CHKB: variants seen among roughly 807,000 people sequenced by gnomAD.
CHKB encodes choline kinase beta.
CHKB carries 45 observed loss-of-function variants against 57.3 expected under a neutral mutation model. The ratio of observed to expected loss-of-function variants is 0.79; its 90% CI spans 0.62 to 1.01. CHKB has a LOEUF of 1.01. Ranked by LOEUF, CHKB falls within the 50% of genes least tolerant of loss-of-function variation. The pLI, the probability that CHKB is intolerant of heterozygous loss-of-function variation, is 0.00. For missense variants in CHKB, 517 were observed against 502.8 expected, an observed-to-expected ratio of 1.03 and a Z score of -0.27; for synonymous variants, 224 against 201.8, an observed-to-expected ratio of 1.11 and a Z score of -0.93.
chr22:50,581,267 T>C (rs910142979), intron 4 of CHKB, among the ~76,000 whole-genome samples, 153 bp downstream of exon 4: 21 of 152,144 alleles, frequency 1.4e-4, no homozygotes, highest in African/African-American at 4.6e-4. Context: ...AGGCACTGCA[T>C]GTGGCCTCTG....
chr22:50,581,517 C>G lies in CHKB; in HGVS notation c.484G>C (p.Val162Leu), dbSNP rs1232740092. 6.2e-7 allele frequency: 1 copy of G among 1,613,872 alleles called. No individual in the cohort carries two copies. The highest frequency in any genetic ancestry group is 8.5e-7 in the Non-Finnish European group (1 of 1,180,042). Residue 162 changes from valine to leucine, a missense_variant, in exon 4 of 11, where the codon GTG becomes CTG. By Grantham distance (32) the Val-to-Leu change is conservative (BLOSUM62 1). Coordinates refer to ENST00000406938, the MANE Select transcript of CHKB (RefSeq NM_005198.5). ...PLKTQELREP[V>L]LSAAIATKMA... ...TTCGTGGCAATGGCTGCTGACAACA[C>G]TGGCTCTCGAAGCTCTTGAGTTTTC... is the stretch of plus-strand genomic sequence containing the variant.
In CHKB at chr22:50,579,467, TGG is replaced by T. The variant is rs750412430; in HGVS notation, c.1070_1071del (p.Ser357TyrfsTer71). On this transcript the variant is annotated frameshift_variant, in exon 10 of 11. Coordinates refer to ENST00000406938, the MANE Select transcript of CHKB (RefSeq NM_005198.5). LOFTEE classifies it high-confidence loss of function. ...ATGGTGGACATGGATGCCTGGAGGA[TGG>T]ACCACAGACCCCAGAAGAAATGGGA... ...LASHFFWGLW[S>X]ILQASMSTIE... The T allele has an allele frequency of 6.2e-7, 1 of 1,613,624 alleles. No individual in the cohort carries two copies. The highest frequency in any genetic ancestry group is 8.5e-7 in the Non-Finnish European group (1 of 1,179,992).
chr22:50,579,214 C>T lies in CHKB; in HGVS notation c.1155G>A (p.Lys385=), dbSNP rs1408413251. The T allele has an allele frequency of 6.8e-6, 11 of 1,613,778 alleles. No individual in the cohort carries two copies. Among genetic ancestry groups the T allele is most frequent in the Non-Finnish European group, 9.3e-6 (11 of 1,179,920 alleles). The change falls in exon 11 of 11, where the codon AAG becomes AAA. Residue 385 remains lysine (K), a synonymous_variant. Transcript: ENST00000406938. ...QSRFQFYFQQ[K]GQLTSVHSSS is the part of the protein sequence containing the mutation. ...AGGAGTGGACACTGGTCAGCTGCCC[C>T]TTCTGCTGGAAGTAGAACTGGAACC... is the stretch of plus-strand genomic sequence containing the variant.
chr22:50,582,696 G>A lies in CHKB; in HGVS notation c.86C>T (p.Pro29Leu), dbSNP rs768840882. ...GCGCCGCCGTTTTGGGGTAGTGTCC[G>A]GGCACTTAGACTGCTGCAAGCCGTC... is the stretch of plus-strand genomic sequence containing the variant. ...AKDGLQQSKC[P>L]DTTPKRRRAS... Residue 29 changes from proline (P) to leucine (L), a missense_variant, in exon 1 of 11, where the codon CCG (proline) becomes CTG (leucine). Coordinates refer to ENST00000406938, the MANE Select transcript of CHKB (RefSeq NM_005198.5). The A allele has an allele frequency of 5.6e-6, 9 of 1,610,216 alleles. No homozygotes were observed. The highest frequency in any genetic ancestry group is 5.0e-5 in the Admixed American group (3 of 59,810).
At chr22:50,582,402 C>T (rs13055012) in intron 1 of CHKB, 45 bp from the exon 2 acceptor site, 1 of 1,511,016 alleles carries the variant, frequency 6.6e-7, no homozygotes, top group Non-Finnish European at 8.9e-7. Flanking sequence ...CCGGCCCTAC[C>T]TGCCGCGGCC....
rs775760883 is a variant in CHKB at position 50,579,505 on chromosome 22, T to C, written c.1034A>G (p.Tyr345Cys). The change falls in exon 10 of 11, where the codon TAT becomes TGT. Residue 345 changes from tyrosine to cysteine, a missense_variant and splice_region_variant. By Grantham distance (194) the Tyr-to-Cys change is radical. Coordinates refer to ENST00000406938, the MANE Select transcript of CHKB (RefSeq NM_005198.5). ...EEDLLVEVSR[Y>C]ALASHFFWGL... Reference sequence around the variant, plus strand: ...CCAGAAGAAATGGGATGCCAGAGCATACCTGGGGGGAGGGCAGGAAAAGGA... The same window carrying C: ...CCAGAAGAAATGGGATGCCAGAGCACACCTGGGGGGAGGGCAGGAAAAGGA... The C allele has an allele frequency of 8.1e-6, 13 of 1,613,366 alleles. No homozygotes were observed. The highest frequency in any genetic ancestry group is 6.7e-5 in the East Asian group (3 of 44,884).
In CHKB at chr22:50,582,338, G is replaced by T; in HGVS notation, c.244C>A (p.Leu82Ile). The change falls in exon 2 of 11, where the codon CTC (leucine) becomes ATC (isoleucine). Residue 82 changes from leucine (L) to isoleucine (I), a missense_variant. By Grantham distance (5) the Leu-to-Ile change is conservative. Coordinates refer to ENST00000406938, the MANE Select transcript of CHKB (RefSeq NM_005198.5). ...YPVSGGLSNL[L>I]FRCSLPDHLP... ...TGGTCCGGGAGCGAGCAGCGGAAGA[G>T]CAGGTTGCTGAGGCCTCCGCTGCAG... The T allele has an allele frequency of 6.4e-7, 1 of 1,569,490 alleles. No individual in the cohort carries two copies.
Position 50,581,920 on chromosome 22 carries a change from G to C in CHKB, c.334-58C>G, listed in dbSNP as rs559769048. 4.7e-5 allele frequency: 69 copies of C among 1,453,032 alleles called. 1 individual carries two copies. In the South Asian group the frequency reaches 6.3e-4, roughly 13 times the overall value. The allele number at this position is 1,453,032 out of a possible 1,614,324, so 90.0% of individuals were successfully genotyped here. ...CAAAGTGGCACAGGGACACACATGA[G>C]GGCTCGCCTTCCTCCCACCAGAGCT... is the stretch of plus-strand genomic sequence containing the variant. On this transcript the variant is annotated intron_variant, in intron 2 of 10. Transcript: ENST00000406938.
chr22:50,582,702 T>C lies in CHKB; in HGVS notation c.80A>G (p.Lys27Arg), dbSNP rs149592688. 2.0e-5 allele frequency: 33 copies of C among 1,609,914 alleles called. No homozygotes were observed. Among genetic ancestry groups the C allele is most frequent in the Middle Eastern group, 1.7e-4 (1 of 6,048 alleles). The stretch of plus-strand genomic sequence containing the variant: ...CCGTTTTGGGGTAGTGTCCGGGCAC[T>C]TAGACTGCTGCAAGCCGTCTTTGGC... The part of the protein sequence containing the change: ...CLAKDGLQQS[K>R]CPDTTPKRRR... The change falls in exon 1 of 11, where the codon AAG (lysine) becomes AGG (arginine). Residue 27 changes from lysine to arginine, a missense_variant. Lys to Arg is a conservative substitution (Grantham distance 26). Transcript: ENST00000406938.
At chr22:50,581,989 T>C (rs2070700971) in intron 2 of CHKB, 127 bp from the exon 3 acceptor site, 1 of 875,418 alleles carries the variant, frequency 1.1e-6, no homozygotes, top group African/African-American at 1.7e-5. Context: ...AGCACAGGCT[T>C]TAGCGTTGGT....
intron 4 of CHKB, 33 bp from the exon 5 acceptor site, chr22:50,580,693 G>A (rs746452829): frequency 1.9e-6 from 3 of 1,599,082 alleles, no homozygotes; most frequent in South Asian, 1.1e-5. Flanking sequence ...CACTGGCTCT[G>A]CTATTCTTTC....
chr22:50,581,909 G>T, intron 2 of CHKB, 47 bp from the exon 3 acceptor site: 2 of 1,537,130 alleles, frequency 1.3e-6, no homozygotes, highest in South Asian at 1.1e-5. Flanking sequence ...GTGGCACAGG[G>T]ACACACATGA....
chr22:50,582,484 A>G, intron 1 of CHKB, 74 bp downstream of exon 1: 2 of 1,499,228 alleles, frequency 1.3e-6, no homozygotes, highest in Non-Finnish European at 1.8e-6. Context: ...GAAAACATGG[A>G]GCATCCTGAG....
In CHKB at chr22:50,579,975, T is replaced by G. The variant is rs778253283; in HGVS notation, c.926A>C (p.Gln309Pro). The change falls in exon 8 of 11, where the codon CAG (glutamine) becomes CCG (proline). Residue 309 changes from glutamine to proline, a missense_variant and splice_region_variant. Gln to Pro is a moderately conservative substitution (Grantham distance 76). Coordinates refer to ENST00000406938, the MANE Select transcript of CHKB (RefSeq NM_005198.5). ...RPTDYPTQEQ[Q>P]LHFIRHYLAE... The stretch of plus-strand genomic sequence containing the variant: ...CTCCCCAGCCTCTGGCCCACATACC[T>G]GCTGTTCTTGAGTGGGGTAGTCTGT... The G allele has an allele frequency of 1.2e-6, 2 of 1,613,596 alleles. No individual in the cohort carries two copies. Among genetic ancestry groups the G allele is most frequent in the African/African-American group, 2.7e-5 (2 of 74,890 alleles).
In CHKB at chr22:50,579,985, G is replaced by A. The variant is rs779131876; in HGVS notation, c.916C>T (p.Gln306Ter). The A allele has an allele frequency of 1.9e-6, 3 of 1,613,832 alleles. No homozygotes were observed. The highest frequency in any genetic ancestry group is 1.7e-5 in the Admixed American group (1 of 60,008). Residue 306 changes from glutamine to a stop codon, truncating the protein, a stop_gained, in exon 8 of 11, where the codon CAA becomes TAA. Transcript: ENST00000406938. LOFTEE classifies it high-confidence loss of function. ...TCTGGCCCACATACCTGCTGTTCTT[G>A]AGTGGGGTAGTCTGTGGGCCTTGCT... Reference protein sequence around the residue: ...YKARPTDYPTQEQQLHFIRHY... With the variant: ...YKARPTDYPT
chr22:50,579,627 C>T (rs2070632025), intron 9 of CHKB, 100 bp downstream of exon 9: 1 of 1,491,298 alleles, frequency 6.7e-7, no homozygotes, highest in Non-Finnish European at 9.4e-7. Flanking sequence ...CCTAACTCCA[C>T]TCTCCACAGC....
intron 2 of CHKB, 71 bp downstream of exon 2, chr22:50,582,178 C>G: frequency 7.3e-7 from 1 of 1,369,436 alleles, no homozygotes; most frequent in Admixed American, 2.0e-5. Context: ...GCAACGGGAA[C>G]AATACTACCC....
At chr22:50,580,861 C>T (rs2070677940) in intron 4 of CHKB, 1 of 558,190 alleles carries the variant, frequency 1.8e-6, no homozygotes, top group Admixed American at 2.5e-5. Context: ...CTCACTGCAA[C>T]CTCTGCCTCC....
intron 2 of CHKB, 115 bp from the exon 3 acceptor site, chr22:50,581,977 G>A (rs1481433971): frequency 3.2e-6 from 3 of 940,900 alleles, no homozygotes; most frequent in Non-Finnish European, 5.2e-6. Context: ...TGGAGGCTCT[G>A]GAGCACAGGC....
Sources: allele counts gnomAD v4.1 joint callset (sites outside exome capture counted in the v4.1 genomes callset), GRCh38; gene constraint gnomAD v4.1.1; transcripts MANE v1.5; gene names NCBI Gene and HGNC (gene_info 2026-07-23, HGNC 2026-07-21).